Variants in RGS6 observed in about 807,000 individuals in gnomAD.
The protein encoded by RGS6 is regulator of G-protein signaling 6.
A neutral mutation model predicts 78.5 loss-of-function variants in RGS6; 30 were observed. The ratio of observed to expected loss-of-function variants is 0.38; its 90% CI spans 0.29 to 0.52. The LOEUF is 0.52. Among genes scored for constraint, RGS6 ranks in the 20% least tolerant of loss-of-function variants. The pLI, the probability that RGS6 is intolerant of heterozygous loss-of-function variation, is 0.85. For missense variants in RGS6, 495 were observed against 609.7 expected, an observed-to-expected ratio of 0.81 and a Z score of 1.98; for synonymous variants, 206 against 206.0, an observed-to-expected ratio of 1.00 and a Z score of 0.00.
chr14:72,162,088 A>C (rs769260539), intron 2 of RGS6, among the ~76,000 whole-genome samples: 7 of 152,242 alleles, frequency 4.6e-5, no homozygotes, highest in Non-Finnish European at 5.9e-5. Context: ...TCCAAGAATG[A>C]AAACTTTGAC....
intron 2 of RGS6, among the ~76,000 whole-genome samples, chr14:72,236,224 G>A (rs773146100): frequency 6.6e-5 from 10 of 152,120 alleles, no homozygotes; most frequent in Non-Finnish European, 1.3e-4. Flanking sequence ...CACCCATCAC[G>A]TACATTTTAC....
At chr14:72,399,674 G>A (rs1056592435) in intron 3 of RGS6, among the ~76,000 whole-genome samples, 5 of 152,070 alleles carry the variant, frequency 3.3e-5, no homozygotes, top group Non-Finnish European at 5.9e-5. Flanking sequence ...GGTACCAGTT[G>A]TTCCTTTCCA....
chr14:72,437,228 C>G (rs985822177), intron 3 of RGS6, among the ~76,000 whole-genome samples: 22 of 147,300 alleles, frequency 1.5e-4, no homozygotes, highest in Non-Finnish European at 2.8e-4. Context: ...GTAATCCCAT[C>G]TACTCGGGAG....
the RGS6 span, among the ~76,000 whole-genome samples, chr14:72,606,545 C>T: frequency 6.6e-6 from 1 of 152,224 alleles, no homozygotes; most frequent in Non-Finnish European, 1.5e-5. Flanking sequence ...GGTCTCGCCA[C>T]CTCACTCCAC....
the RGS6 span, chr14:72,595,190 A>G: frequency 2.6e-5 from 4 of 152,328 alleles, no homozygotes; most frequent in Admixed American, 2.6e-4. Flanking sequence ...CTGTGTGCCC[A>G]AAATGACCAC....
chr14:72,068,071 T>A (rs2094237748), intron 2 of RGS6, among the ~76,000 whole-genome samples: 1 of 152,234 alleles, frequency 6.6e-6, no homozygotes, highest in African/African-American at 2.4e-5. Context: ...ATACTTTAGT[T>A]GTTTAAATCC....
At chr14:72,013,000 G>T (rs1375946200) in intron 2 of RGS6, among the ~76,000 whole-genome samples, 2 of 152,182 alleles carry the variant, frequency 1.3e-5, no homozygotes, top group African/African-American at 4.8e-5. Flanking sequence ...GCCAGGTGCA[G>T]TGGCTCATGC....
Position 72,352,160 on chromosome 14 carries a change from G to A in RGS6, c.150G>A (p.Lys50=), listed in dbSNP as rs538342209. ...GGGGTGTGCCCATCAGAACAGTCAA[G>A]AGCTTTCTCTCCAAAATCCCCAGTG... The part of the protein sequence containing the change: ...KTGGVPIRTV[K]SFLSKIPSVV... Residue 50 remains lysine, a synonymous_variant, in exon 3 of 18, where the codon AAG becomes AAA. Coordinates refer to ENST00000553525, the MANE Select transcript of RGS6 (RefSeq NM_001204424.2). 18 of 1,613,408 alleles carry A rather than the reference G, an allele frequency of 1.1e-5. No homozygotes were observed. In the East Asian group the frequency reaches 3.8e-4, roughly 34 times the overall value.
chr14:71,876,345 T>C, the RGS6 span, among the ~76,000 whole-genome samples: 5 of 152,126 alleles, frequency 3.3e-5, no homozygotes, highest in Non-Finnish European at 7.3e-5. Flanking sequence ...TGGGTGCATA[T>C]ATATTTAGGA....
At chr14:72,045,380 C>G (rs369363340) in intron 2 of RGS6, among the ~76,000 whole-genome samples, 2 of 152,054 alleles carry the variant, frequency 1.3e-5, no homozygotes, top group African/African-American at 4.8e-5. Flanking sequence ...TTAATCTAGA[C>G]TAGATTAATC....
chr14:72,545,327 G>A (rs979163222), intron 17 of RGS6, among the ~76,000 whole-genome samples: 7 of 152,226 alleles, frequency 4.6e-5, no homozygotes, highest in African/African-American at 1.7e-4. Context: ...GGAAAGCAGG[G>A]AAACCTGCCT....
intron 3 of RGS6, among the ~76,000 whole-genome samples, chr14:72,382,524 A>G (rs1361025362): frequency 1.3e-5 from 2 of 152,216 alleles, no homozygotes; most frequent in Non-Finnish European, 2.9e-5. Flanking sequence ...CACATTGGAA[A>G]ACGTTGTGGT....
chr14:72,330,140 T>C (rs1012412799), intron 2 of RGS6, among the ~76,000 whole-genome samples: 1 of 152,218 alleles, frequency 6.6e-6, no homozygotes, highest in Non-Finnish European at 1.5e-5. Flanking sequence ...GGATCTACCA[T>C]TGGGATCCCA....
At chr14:71,946,561 A>G (rs2091553517) in intron 1 of RGS6, among the ~76,000 whole-genome samples, 1 of 152,120 alleles carries the variant, frequency 6.6e-6, no homozygotes, top group African/African-American at 2.4e-5. Flanking sequence ...ACAAATGGAG[A>G]GACGGAATGT....
chr14:72,188,518 G>A (rs1449396957), intron 2 of RGS6, among the ~76,000 whole-genome samples: 1 of 151,468 alleles, frequency 6.6e-6, no homozygotes, highest in Non-Finnish European at 1.5e-5. Flanking sequence ...ATGAAAATAC[G>A]GGAGAAGAAA....
At chr14:72,449,703 C>T (rs192661153) in intron 3 of RGS6, among the ~76,000 whole-genome samples, 35 of 152,296 alleles carry the variant, frequency 2.3e-4, no homozygotes, top group Admixed American at 3.9e-4. Flanking sequence ...ACCCTTAGGC[C>T]GGACTCTGGG....
chr14:72,119,050 A>G (rs2095981419), intron 2 of RGS6, among the ~76,000 whole-genome samples: 1 of 152,152 alleles, frequency 6.6e-6, no homozygotes, highest in Non-Finnish European at 1.5e-5. Context: ...GGTTTCCAGG[A>G]TACGTAAAAG....
intron 2 of RGS6, among the ~76,000 whole-genome samples, chr14:72,115,029 G>A (rs2095855324): frequency 6.6e-6 from 1 of 152,100 alleles, no homozygotes; most frequent in Admixed American, 6.5e-5. Flanking sequence ...CTAACTATCT[G>A]GAGTCAAAGT....
intron 2 of RGS6, among the ~76,000 whole-genome samples, chr14:72,247,484 G>C (rs910498174): frequency 1.3e-5 from 2 of 152,162 alleles, no homozygotes; most frequent in Non-Finnish European, 2.9e-5. Context: ...TATCTTCAAG[G>C]AAATAGTGCT....
Sources: allele counts gnomAD v4.1 joint callset (sites outside exome capture counted in the v4.1 genomes callset), GRCh38; gene constraint gnomAD v4.1.1; transcripts MANE v1.5; gene names NCBI Gene and HGNC (gene_info 2026-07-23, HGNC 2026-07-21).